The following TBL1X variants were observed in gnomAD, a reference collection of about 807,000 sequenced individuals.
TBL1X encodes F-box-like/WD repeat-containing protein TBL1X.
A neutral mutation model predicts 50.7 loss-of-function variants in TBL1X; 10 were observed. The observed-to-expected ratio is 0.20, with a 90% CI of 0.12 to 0.33. The LOEUF (loss-of-function observed/expected upper bound fraction) is 0.33. TBL1X is among the 10% of genes least tolerant of loss of function. The pLI, the probability that TBL1X is intolerant of heterozygous loss-of-function variation, is 1.00. For missense variants in TBL1X, 340 were observed against 504.4 expected (o/e 0.67, Z 3.12); for synonymous variants, 190 against 214.7 (o/e 0.88, Z 1.01).
At chrX:9,613,516 A>T in intron 2 of TBL1X, among the ~76,000 whole-genome samples, 1 of 112,006 alleles carries the variant, frequency 8.9e-6, no homozygotes, top group South Asian at 3.7e-4. Flanking sequence ...TGTATTTCCA[A>T]TGAAAATTTA....
intron 2 of TBL1X, among the ~76,000 whole-genome samples, chrX:9,620,389 G>A (rs1322270762): frequency 8.9e-6 from 1 of 112,675 alleles, no homozygotes; most frequent in African/African-American, 3.2e-5. Context: ...TGCTGTGGCT[G>A]CAGAGGCCCC....
At chrX:9,553,283 C>T (rs921227830) in intron 2 of TBL1X, among the ~76,000 whole-genome samples, 1 of 111,899 alleles carries the variant, frequency 8.9e-6, no homozygotes, top group South Asian at 3.8e-4. Flanking sequence ...GGAGGATGGG[C>T]GCAGAGGCCC....
At chrX:9,695,440 A>G (rs762008591) in intron 11 of TBL1X, among the ~76,000 whole-genome samples, 7 of 112,936 alleles carry the variant, frequency 6.2e-5, no homozygotes, top group South Asian at 7.3e-4. Context: ...TGTAGCTACT[A>G]TCAGATCTTT....
chrX:9,539,050 G>A (rs2082202780), intron 2 of TBL1X, among the ~76,000 whole-genome samples: 1 of 112,467 alleles, frequency 8.9e-6, no homozygotes. Flanking sequence ...GATACTGAGA[G>A]GAGGGGATGA....
At chrX:9,703,832 A>G (rs995022561) in intron 12 of TBL1X, among the ~76,000 whole-genome samples, 11 of 112,174 alleles carry the variant, frequency 9.8e-5, no homozygotes, top group African/African-American at 3.6e-4. Context: ...AAAGAGGCAG[A>G]ACGAGGAATG....
chrX:9,659,351 A>T (rs758245190), intron 5 of TBL1X, among the ~76,000 whole-genome samples: 2 of 101,756 alleles, frequency 2.0e-5, no homozygotes, highest in East Asian at 6.6e-4. Context: ...TAGAGATGGC[A>T]TCACATATTG....
intron 2 of TBL1X, among the ~76,000 whole-genome samples, chrX:9,569,919 T>G (rs917628669): frequency 8.9e-6 from 1 of 112,131 alleles, no homozygotes; most frequent in Non-Finnish European, 1.9e-5. Context: ...AGGATTTTCA[T>G]AGTCAGTTGC....
At chrX:9,654,039 T>C (rs2082851469) in intron 4 of TBL1X, among the ~76,000 whole-genome samples, 176 bp from the exon 5 acceptor site, 1 of 111,472 alleles carries the variant, frequency 9.0e-6, no homozygotes, top group African/African-American at 3.3e-5. Flanking sequence ...GGCATATTTT[T>C]CTATCTATAA....
intron 2 of TBL1X, among the ~76,000 whole-genome samples, chrX:9,573,931 A>G (rs1260358268): frequency 8.9e-6 from 1 of 112,472 alleles, no homozygotes; most frequent in East Asian, 2.8e-4. Context: ...CTGGCGGAAC[A>G]GGGTAGGCCA....
chrX:9,464,187 G>A (rs1366396281), upstream of TBL1X, among the ~76,000 whole-genome samples: 1 of 111,359 alleles, frequency 9.0e-6, no homozygotes, highest in East Asian at 2.8e-4. Context: ...AGGGGAGGAA[G>A]GAGCGCTGGG....
chrX:9,675,752 G>T (rs373385695), intron 5 of TBL1X, among the ~76,000 whole-genome samples: 1 of 110,265 alleles, frequency 9.1e-6, no homozygotes, highest in Non-Finnish European at 1.9e-5. Context: ...TTACCTGGGC[G>T]TGGTGGCATG....
At chrX:9,493,678 C>A (rs2081958127) in intron 1 of TBL1X, among the ~76,000 whole-genome samples, 1 of 110,791 alleles carries the variant, frequency 9.0e-6, no homozygotes, top group Non-Finnish European at 1.9e-5. Context: ...GGAGGATCAC[C>A]TGAACCTGGG....
intron 5 of TBL1X, among the ~76,000 whole-genome samples, chrX:9,675,248 A>G (rs959974743): frequency 9.0e-6 from 1 of 111,503 alleles, no homozygotes; most frequent in Non-Finnish European, 1.9e-5. Flanking sequence ...AAAAATAAAG[A>G]GCAAACCCCA....
chrX:9,625,970 G>A (rs924895733), intron 2 of TBL1X, among the ~76,000 whole-genome samples: 1 of 111,656 alleles, frequency 9.0e-6, no homozygotes, highest in Non-Finnish European at 1.9e-5. Flanking sequence ...GATAGGTCAT[G>A]TGGTGTAACG....
chrX:9,531,948 G>A (rs1042028200), intron 2 of TBL1X, among the ~76,000 whole-genome samples: 7 of 110,818 alleles, frequency 6.3e-5, no homozygotes, highest in Non-Finnish European at 1.1e-4. Flanking sequence ...TGGCCAGGCT[G>A]GTCTCGAATT....
intron 1 of TBL1X, among the ~76,000 whole-genome samples, chrX:9,473,875 A>G (rs755085457): frequency 8.9e-6 from 1 of 112,746 alleles, no homozygotes; most frequent in South Asian, 3.6e-4. Flanking sequence ...TTCCCTGTCC[A>G]GTACATGACA....
At chrX:9,581,992 C>T (rs1342213099) in intron 2 of TBL1X, among the ~76,000 whole-genome samples, 1 of 112,292 alleles carries the variant, frequency 8.9e-6, no homozygotes, top group Non-Finnish European at 1.9e-5. Flanking sequence ...GAAGCTGGAA[C>T]ACAGTGTTCC....
chrX:9,564,858 A>G (rs1465984390), intron 2 of TBL1X, among the ~76,000 whole-genome samples: 1 of 111,058 alleles, frequency 9.0e-6, no homozygotes, highest in African/African-American at 3.3e-5. Context: ...AGTTTTGATC[A>G]TGTAAAAAAT....
intron 1 of TBL1X, among the ~76,000 whole-genome samples, chrX:9,479,695 G>A (rs1383085091): frequency 9.0e-6 from 1 of 111,658 alleles, no homozygotes; most frequent in Non-Finnish European, 1.9e-5. Flanking sequence ...TTTAATAATT[G>A]TTTGACTTGT....
Sources: allele counts gnomAD v4.1 joint callset (sites outside exome capture counted in the v4.1 genomes callset), GRCh38; gene constraint gnomAD v4.1.1; transcripts MANE v1.5; gene names NCBI Gene and HGNC (gene_info 2026-07-23, HGNC 2026-07-21).